Variants in LEF1 observed in about 807,000 individuals in gnomAD.
LEF1 encodes lymphoid enhancer binding factor 1.
A neutral mutation model predicts 51.2 loss-of-function variants in LEF1; 14 were observed. The observed-to-expected ratio is 0.27, with a 90% CI of 0.18 to 0.43. The LOEUF (loss-of-function observed/expected upper bound fraction) is 0.43, where lower values mean the gene tolerates loss of function less well. Among genes scored for constraint, LEF1 ranks in the 20% least tolerant of loss-of-function variants. The pLI, the probability that LEF1 is intolerant of heterozygous loss-of-function variation, is 1.00. For synonymous variants in LEF1, 185 were observed against 183.2 expected (o/e 1.01, Z -0.08); for missense variants, 386 against 512.0 (o/e 0.75, Z 2.37).
In LEF1 at chr4:108,085,814, C is replaced by A. The variant is rs376091631; in HGVS notation, c.548-2368G>T. Among the ~76,000 whole-genome samples, 9 of 152,160 alleles carry A rather than the reference C, an allele frequency of 5.9e-5. No homozygotes were observed. In the East Asian group the frequency reaches 1.5e-3, roughly 26 times the overall value. On this transcript the variant is annotated intron_variant, in intron 4 of 11. Coordinates refer to ENST00000265165, the MANE Select transcript of LEF1 (RefSeq NM_016269.5). ...GAATCTACAAGTTTTTTTATTTGTACTTTTAATGTGGTACTTGGGATGCTC... is the reference window on the plus strand; with the variant it reads ...GAATCTACAAGTTTTTTTATTTGTAATTTTAATGTGGTACTTGGGATGCTC...
intron 1 of LEF1, chr4:108,166,321 T>C: frequency 6.5e-7 from 1 of 1,530,006 alleles, no homozygotes; most frequent in Non-Finnish European, 8.7e-7. Flanking sequence ...TTAAACGCGC[T>C]GTTTAAAACC....
At chr4:108,071,060 T>C (rs899850832) in intron 8 of LEF1, among the ~76,000 whole-genome samples, 9 of 152,154 alleles carry the variant, frequency 5.9e-5, no homozygotes, top group Admixed American at 1.3e-4. Flanking sequence ...CTTTCTCTTT[T>C]CCAATATAAA....
At chr4:108,119,002 C>T (rs372284762) in intron 3 of LEF1, among the ~76,000 whole-genome samples, 11 of 149,718 alleles carry the variant, frequency 7.3e-5, no homozygotes, top group African/African-American at 2.5e-4. Context: ...GGAACTATAC[C>T]GCACAGTACA....
At chr4:108,073,143 T>C (rs1193040660) in intron 8 of LEF1, among the ~76,000 whole-genome samples, 1 of 152,172 alleles carries the variant, frequency 6.6e-6, no homozygotes. Flanking sequence ...CCCAGCACTT[T>C]GGGAGGCTGA....
intron 3 of LEF1, among the ~76,000 whole-genome samples, chr4:108,102,450 T>G (rs1049916022): frequency 6.6e-6 from 1 of 152,160 alleles, no homozygotes; most frequent in African/African-American, 2.4e-5. Flanking sequence ...CCTGTGCCTT[T>G]GACCTGCCTC....
At position 108,167,391 on chromosome 4, in the gene LEF1, C is replaced by T. The variant is rs1441577612; in HGVS notation, c.213+164G>A. 1 of 633,680 alleles carries T rather than the reference C, an allele frequency of 1.6e-6. No homozygotes were observed. Among genetic ancestry groups the T allele is most frequent in the African/African-American group, 1.9e-5 (1 of 53,700 alleles). The allele number at this position is 633,680 out of a possible 1,614,324, so 39.3% of individuals were successfully genotyped here. A position where few individuals can be genotyped will look rare whatever the true frequency, so the allele number is the denominator to read the frequency against. On this transcript the variant is annotated intron_variant, in intron 1 of 11. Coordinates refer to ENST00000265165, the MANE Select transcript of LEF1 (RefSeq NM_016269.5). The surrounding 1 kb of genome is among the most constrained non-coding windows in gnomAD (Gnocchi z 5.7). The stretch of plus-strand genomic sequence containing the variant: ...ACACACACACACACACACACACACA[C>T]ACACTGCGGACCGGGGGCCCAGCTA...
At chr4:108,097,825 C>T (rs967576000) in intron 3 of LEF1, among the ~76,000 whole-genome samples, 1 of 152,084 alleles carries the variant, frequency 6.6e-6, no homozygotes, top group African/African-American at 2.4e-5. Context: ...GATTAATAAG[C>T]TGAAGTGTAG....
intron 3 of LEF1, among the ~76,000 whole-genome samples, chr4:108,161,943 C>A (rs1221202561): frequency 6.6e-6 from 1 of 152,046 alleles, no homozygotes; most frequent in African/African-American, 2.4e-5. Flanking sequence ...CCCTTCTCCA[C>A]CCCCTCCAAA....
In LEF1 at chr4:108,167,492, T is replaced by G; in HGVS notation, c.213+63A>C. ...CGGCCGGGCGCCTTCGTTCCCTTCCTCCCTCTCTGAGTTTCCCAGGGACCC... is the reference window on the plus strand; with the variant it reads ...CGGCCGGGCGCCTTCGTTCCCTTCCGCCCTCTCTGAGTTTCCCAGGGACCC... On this transcript the variant is annotated intron_variant, in intron 1 of 11. Coordinates refer to ENST00000265165, the MANE Select transcript of LEF1 (RefSeq NM_016269.5). The surrounding 1 kb of genome is among the most constrained non-coding windows in gnomAD (Gnocchi z 5.7). The G allele has an allele frequency of 1.3e-6, 2 of 1,560,706 alleles. No individual in the cohort carries two copies. Among genetic ancestry groups the G allele is most frequent in the Non-Finnish European group, 1.8e-6 (2 of 1,139,638 alleles).
intron 3 of LEF1, among the ~76,000 whole-genome samples, chr4:108,093,713 T>C (rs1456534098): frequency 6.6e-6 from 1 of 152,020 alleles, no homozygotes; most frequent in African/African-American, 2.4e-5. Context: ...AGGCAGGTGA[T>C]TGGTGGGTGA....
At chr4:108,048,817 T>C in intron 11 of LEF1, 66 bp from the exon 12 acceptor site, 1 of 1,101,858 alleles carries the variant, frequency 9.1e-7, no homozygotes, top group Non-Finnish European at 1.3e-6. Context: ...TTATAACCTC[T>C]ATTCCATACC....
intron 9 of LEF1, among the ~76,000 whole-genome samples, chr4:108,066,343 C>G (rs923403021): frequency 6.6e-6 from 1 of 152,180 alleles, no homozygotes. Flanking sequence ...CCCTTCAACC[C>G]GTGTCTCAAG....
chr4:108,131,447 C>T (rs1742889714), intron 3 of LEF1, among the ~76,000 whole-genome samples: 7 of 151,614 alleles, frequency 4.6e-5, no homozygotes, highest in Admixed American at 3.9e-4. Context: ...TACACAATGC[C>T]TACACAGCTA....
At chr4:108,132,301 T>C (rs1396382659) in intron 3 of LEF1, among the ~76,000 whole-genome samples, 2 of 152,228 alleles carry the variant, frequency 1.3e-5, no homozygotes, top group Non-Finnish European at 2.9e-5. Flanking sequence ...TATCCCATTC[T>C]GTACCCCCTC....
intron 3 of LEF1, among the ~76,000 whole-genome samples, chr4:108,113,252 T>C (rs1030311726): frequency 6.6e-6 from 1 of 152,182 alleles, no homozygotes; most frequent in African/African-American, 2.4e-5. Flanking sequence ...GATAGCATTT[T>C]GAGAACGGCA....
chr4:108,048,329 G>A lies in LEF1; in HGVS notation c.*429C>T, dbSNP rs1031684900. The A allele has an allele frequency of 4.5e-5, 8 of 179,190 alleles. No homozygotes were observed. Among genetic ancestry groups the A allele is most frequent in the Non-Finnish European group, 8.1e-5 (7 of 86,048 alleles). 11.1% of individuals were successfully genotyped at this position (179,190 alleles called of 1,614,324 possible). ...TGGGGTGCTGATGGATGTGCTGGTT[G>A]CTGGCTCCAGTTGCGCATGACAGGC... On this transcript the variant is annotated 3_prime_UTR_variant, in exon 12 of 12. Transcript: ENST00000265165.
chr4:108,084,121 C>T (rs1739490406), intron 4 of LEF1, among the ~76,000 whole-genome samples: 1 of 152,178 alleles, frequency 6.6e-6, no homozygotes, highest in Non-Finnish European at 1.5e-5. Context: ...CCCTGGAGTA[C>T]ACTGCCCTGT....
chr4:108,132,427 G>C (rs1742955994), intron 3 of LEF1, among the ~76,000 whole-genome samples: 1 of 152,000 alleles, frequency 6.6e-6, no homozygotes, highest in Non-Finnish European at 1.5e-5. Flanking sequence ...CTCATTTAGA[G>C]TCCTTTCAGG....
chr4:108,118,010 A>G (rs1322446353), intron 3 of LEF1, among the ~76,000 whole-genome samples: 1 of 152,216 alleles, frequency 6.6e-6, no homozygotes, highest in Non-Finnish European at 1.5e-5. Flanking sequence ...GTTCAGTCCC[A>G]ATGACTACTC....
Sources: gnomAD v4.1 joint callset for allele counts (sites outside exome capture counted in the v4.1 genomes callset) on GRCh38, gnomAD v4.1.1 for gene constraint, Gnocchi (gnomAD v3.1) non-coding constraint, MANE v1.5 for transcripts, NCBI Gene and HGNC (gene_info 2026-07-23, HGNC 2026-07-21) for gene names.